C12orf56: variants seen among roughly 807,000 people sequenced by gnomAD.
The protein encoded by C12orf56 is uncharacterized protein C12orf56.
Under a neutral mutation model 69.9 loss-of-function variants are expected in C12orf56, and 71 were observed. The observed-to-expected ratio is 1.02, with a 90% CI of 0.84 to 1.24. The LOEUF (loss-of-function observed/expected upper bound fraction) is 1.24, where lower values mean the gene tolerates loss of function less well. Among genes scored for constraint, C12orf56 ranks in the 50% most tolerant of loss-of-function variants. C12orf56 has a pLI of 0.00. For missense variants in C12orf56, 732 were observed against 738.5 expected (o/e 0.99, Z 0.10); for synonymous variants, 276 against 274.1 (o/e 1.01, Z -0.07).
At chr12:64,351,565 G>C (rs1592478107) in intron 2 of C12orf56, among the ~76,000 whole-genome samples, 1 of 152,150 alleles carries the variant, frequency 6.6e-6, no homozygotes, top group African/African-American at 2.4e-5. Flanking sequence ...GACAGCAGGG[G>C]ATATAGGGTG....
chr12:64,280,979 T>G (rs7962466), intron 8 of C12orf56, among the ~76,000 whole-genome samples: 106,825 of 152,118 alleles, frequency 0.7, 38,720 homozygotes, highest in Non-Finnish European at 0.8. Flanking sequence ...AATAGAAAAC[T>G]AATACAATTT....
chr12:64,365,314 G>A (rs943633666), intron 1 of C12orf56, among the ~76,000 whole-genome samples: 2 of 151,640 alleles, frequency 1.3e-5, no homozygotes, highest in South Asian at 4.2e-4. Flanking sequence ...ACAGGTGCCC[G>A]CCACCAAGCT....
intron 3 of C12orf56, among the ~76,000 whole-genome samples, chr12:64,330,375 G>C (rs2038913914): frequency 6.6e-6 from 1 of 152,134 alleles, no homozygotes; most frequent in South Asian, 2.1e-4. Context: ...TTTTCTGCCT[G>C]GATCTCCTCT....
Position 64,297,834 on chromosome 12 carries a change from T to C in C12orf56, c.1113+5801A>G, listed in dbSNP as rs574475233. On this transcript the variant is annotated intron_variant, in intron 6 of 12. Transcript: ENST00000543942. Reference sequence around the variant, plus strand: ...AAGTCTTTGCTATTGTGAATAGTGCTGCAATAAACATACATGTGCATGTGT... The same window carrying C: ...AAGTCTTTGCTATTGTGAATAGTGCCGCAATAAACATACATGTGCATGTGT... Among the ~76,000 whole-genome samples, 12 of 152,296 alleles carry C rather than the reference T, an allele frequency of 7.9e-5. No individual in the cohort carries two copies. In the East Asian group the frequency reaches 2.3e-3, roughly 29 times the overall value.
At chr12:64,344,480 G>A (rs1352091096) in intron 2 of C12orf56, among the ~76,000 whole-genome samples, 1 of 152,160 alleles carries the variant, frequency 6.6e-6, no homozygotes, top group Non-Finnish European at 1.5e-5. Context: ...ACAACTCTAT[G>A]TGAGTCAGAC....
intron 1 of C12orf56, among the ~76,000 whole-genome samples, chr12:64,380,738 G>A (rs1267568846): frequency 6.6e-6 from 1 of 152,140 alleles, no homozygotes; most frequent in African/African-American, 2.4e-5. Flanking sequence ...GATCTCGAGT[G>A]TTCTAGGTAG....
intron 2 of C12orf56, among the ~76,000 whole-genome samples, chr12:64,331,329 C>T (rs905478926): frequency 5.9e-5 from 9 of 151,988 alleles, no homozygotes; most frequent in Non-Finnish European, 1.0e-4. Flanking sequence ...AACGAGATGT[C>T]ATCTCTACAA....
intron 1 of C12orf56, 88 bp from the exon 2 acceptor site, chr12:64,353,144 G>GA: frequency 3.3e-6 from 4 of 1,203,270 alleles, no homozygotes; most frequent in Non-Finnish European, 4.6e-6. Context: ...CTAACAGCAA[G>GA]TTTTTTTTTT....
chr12:64,338,366 A>T, intron 2 of C12orf56: 1 of 653,462 alleles, frequency 1.5e-6, no homozygotes, highest in Non-Finnish European at 3.0e-6. Flanking sequence ...GAGATATATA[A>T]TGGGGACCTC....
intron 1 of C12orf56, among the ~76,000 whole-genome samples, chr12:64,358,741 C>G (rs1592486161): frequency 6.6e-6 from 1 of 152,040 alleles, no homozygotes; most frequent in Non-Finnish European, 1.5e-5. Flanking sequence ...TTGCAGTGAG[C>G]CAAGATCACG....
At chr12:64,343,424 T>G (rs1445711861) in intron 2 of C12orf56, among the ~76,000 whole-genome samples, 1 of 152,186 alleles carries the variant, frequency 6.6e-6, no homozygotes, top group Non-Finnish European at 1.5e-5. Context: ...GCTGGAGAGT[T>G]GCTATACCCC....
In C12orf56 at chr12:64,390,084, A is replaced by T. The variant is rs182339448; in HGVS notation, c.252+230T>A. On this transcript the variant is annotated intron_variant, in intron 1 of 12. Coordinates refer to ENST00000543942, the MANE Select transcript of C12orf56 (RefSeq NM_001170633.2). Reference sequence around the variant, plus strand: ...CCTGTAGCCCTACGTGGGGTAGGGGAGGCGGGAGAATGGGTGAACAGGCAG... The same window carrying T: ...CCTGTAGCCCTACGTGGGGTAGGGGTGGCGGGAGAATGGGTGAACAGGCAG... Among the ~76,000 whole-genome samples the T allele has an allele frequency of 2.6e-5, 4 of 152,188 alleles. No individual in the cohort carries two copies. The East Asian group carries it at 7.7e-4, about 29-fold the overall frequency.
intron 6 of C12orf56, among the ~76,000 whole-genome samples, chr12:64,294,904 ATT>A (rs71092949): frequency 6.7e-6 from 1 of 150,286 alleles, no homozygotes; most frequent in Non-Finnish European, 1.5e-5. Flanking sequence ...AGAAAAAAAA[ATT>A]TTTTTTTTTT....
intron 3 of C12orf56, among the ~76,000 whole-genome samples, chr12:64,325,487 G>A (rs569459606): frequency 1.2e-4 from 19 of 152,288 alleles, no homozygotes; most frequent in African/African-American, 4.6e-4. Flanking sequence ...AAGGACTACT[G>A]GGGGAAAATG....
At chr12:64,320,826 A>T (rs2038762670) in intron 3 of C12orf56, among the ~76,000 whole-genome samples, 1 of 152,196 alleles carries the variant, frequency 6.6e-6, no homozygotes, top group African/African-American at 2.4e-5. Context: ...AATCAAACTG[A>T]ACTTGGAAAC....
At chr12:64,380,104 CAAAAAAAAAAAAAAAAAAAAAAA>C (rs60079906) in intron 1 of C12orf56, among the ~76,000 whole-genome samples, 1 of 49,996 alleles carries the variant, frequency 2.0e-5, no homozygotes, top group Non-Finnish European at 3.0e-5. Flanking sequence ...GACTCCGTCG[CAAAAAAAAAAAAAAAAAAAAAAA>C]AAAAAAACAA....
At chr12:64,276,627 G>A (rs373594180) in intron 9 of C12orf56, among the ~76,000 whole-genome samples, 19 of 152,224 alleles carry the variant, frequency 1.2e-4, no homozygotes, top group African/African-American at 3.9e-4. Context: ...GGCAGGGGTC[G>A]TGTCTGTTTT....
At chr12:64,361,323 TC>T (rs2039397510) in intron 1 of C12orf56, among the ~76,000 whole-genome samples, 1 of 152,116 alleles carries the variant, frequency 6.6e-6, no homozygotes, top group Non-Finnish European at 1.5e-5. Context: ...AGCAACTCCA[TC>T]TTGAATAAGG....
At chr12:64,377,597 T>G (rs1458705182) in intron 1 of C12orf56, among the ~76,000 whole-genome samples, 1 of 152,238 alleles carries the variant, frequency 6.6e-6, no homozygotes, top group Non-Finnish European at 1.5e-5. Flanking sequence ...ATTTTGTGAA[T>G]AAATCTATAT....
Sources: allele counts gnomAD v4.1 joint callset (sites outside exome capture counted in the v4.1 genomes callset), GRCh38; gene constraint gnomAD v4.1.1; transcripts MANE v1.5; gene names NCBI Gene and HGNC (gene_info 2026-07-23, HGNC 2026-07-21).